SLX4IP: variants seen among roughly 807,000 people sequenced by gnomAD.
SLX4IP encodes the protein SLX4 interacting protein.
SLX4IP carries 34 observed loss-of-function variants against 32.9 expected under a neutral mutation model. The ratio of observed to expected loss-of-function variants is 1.03; its 90% CI spans 0.79 to 1.38. The LOEUF (loss-of-function observed/expected upper bound fraction) is 1.38. SLX4IP is among the 40% of genes most tolerant of loss of function. The pLI is 0.00. For missense variants in SLX4IP, 444 were observed against 479.0 expected (o/e 0.93, Z 0.68); for synonymous variants, 172 against 171.7 (o/e 1.00, Z -0.01).
At chr20:10,455,082 A>G (rs544911635) in intron 1 of SLX4IP, among the ~76,000 whole-genome samples, 1 of 152,068 alleles carries the variant, frequency 6.6e-6, no homozygotes, top group Non-Finnish European at 1.5e-5. Flanking sequence ...GCTTATTTTT[A>G]AATTATTTGT....
chr20:10,623,111 C>A lies in SLX4IP; in HGVS notation c.959C>A (p.Pro320Gln), dbSNP rs761985617. The A allele has an allele frequency of 2.2e-5, 35 of 1,613,966 alleles. No individual in the cohort carries two copies. The highest frequency in any genetic ancestry group is 2.8e-5 in the Non-Finnish European group (33 of 1,180,038). The part of the protein sequence containing the change: ...RVSLGSDRLV[P>Q]REIIVEKSKA... ...TCTCTTGGAAGTGATCGATTAGTCC[C>A]GAGAGAAATAATAGTGGAAAAAAGC... The change falls in exon 8 of 8, where the codon CCG (proline) becomes CAG (glutamine). Residue 320 changes from proline (P) to glutamine (Q), a missense_variant. Physicochemically the swap from Pro to Gln is moderately conservative, Grantham distance 76 (BLOSUM62 -1). Transcript: ENST00000334534.
rs2067031363 is a variant in SLX4IP, at chr20:10,616,395, T to TG, written c.406-4919_406-4918insG. On this transcript the variant is annotated intron_variant, in intron 6 of 7. Transcript: ENST00000334534. ...TCAAGTCCCAAAAAAAAAAATGAAA[T>TG]AAATAAATAAATAAATAAATAAATA... is the stretch of plus-strand genomic sequence containing the variant. Among the ~76,000 whole-genome samples the TG allele has an allele frequency of 1.9e-4, 10 of 52,966 alleles. 1 individual carries two copies. The highest frequency in any genetic ancestry group is 8.9e-4 in the Admixed American group (5 of 5,640). 34.7% of individuals were successfully genotyped at this position (52,966 alleles called of 152,430 possible). A position where few individuals can be genotyped will look rare whatever the true frequency, so the allele number is the denominator to read the frequency against.
intron 2 of SLX4IP, among the ~76,000 whole-genome samples, chr20:10,510,606 A>T (rs979372981): frequency 3.2e-4 from 40 of 126,486 alleles, no homozygotes; most frequent in African/African-American, 8.2e-4. Flanking sequence ...TATTATTTTT[A>T]TTATTTTTTT....
intron 1 of SLX4IP, among the ~76,000 whole-genome samples, chr20:10,445,310 T>G (rs1467861400): frequency 7.4e-6 from 1 of 135,434 alleles, no homozygotes; most frequent in Non-Finnish European, 1.6e-5. Flanking sequence ...CTTTTTTCTT[T>G]CTTTTTTTTT....
intron 4 of SLX4IP, among the ~76,000 whole-genome samples, chr20:10,577,752 A>G (rs1381190233): frequency 6.6e-6 from 1 of 152,238 alleles, no homozygotes; most frequent in African/African-American, 2.4e-5. Flanking sequence ...ATGAATGACA[A>G]CAATGAAGCT....
chr20:10,437,088 C>G (rs1001684698), intron 1 of SLX4IP, among the ~76,000 whole-genome samples: 13 of 152,082 alleles, frequency 8.5e-5, no homozygotes, highest in African/African-American at 3.1e-4. Flanking sequence ...CTTTTTGTGG[C>G]ACCTTGCTTT....
chr20:10,454,275 A>G (rs2065266879), intron 1 of SLX4IP, among the ~76,000 whole-genome samples: 1 of 152,228 alleles, frequency 6.6e-6, no homozygotes, highest in Admixed American at 6.5e-5. Context: ...CCATCTGTTT[A>G]GGCTGTTCCC....
chr20:10,623,172 A>G lies in SLX4IP; in HGVS notation c.1020A>G (p.Ser340=). 6.2e-7 allele frequency: 1 copy of G among 1,614,256 alleles called. No individual in the cohort carries two copies. Among genetic ancestry groups the G allele is most frequent in the Non-Finnish European group, 8.5e-7 (1 of 1,180,050 alleles). The change falls in exon 8 of 8, where the codon TCA becomes TCG. Residue 340 remains serine (S), a synonymous_variant. Transcript: ENST00000334534. Reference sequence around the variant, plus strand: ...GGGTTTTGCCAGCTTCAGAGTTGTCAGATCCAGGGTTACTTTTGAAACAAG... The same window carrying G: ...GGGTTTTGCCAGCTTCAGAGTTGTCGGATCCAGGGTTACTTTTGAAACAAG... ...AVRVLPASEL[S]DPGLLLKQDL...
intron 2 of SLX4IP, among the ~76,000 whole-genome samples, chr20:10,482,258 A>C (rs1464360273): frequency 6.6e-6 from 1 of 151,902 alleles, no homozygotes; most frequent in Non-Finnish European, 1.5e-5. Context: ...GGTTTCTCAT[A>C]TTATGTTTCC....
At chr20:10,487,812 G>T (rs1304426705) in intron 2 of SLX4IP, among the ~76,000 whole-genome samples, 1 of 152,200 alleles carries the variant, frequency 6.6e-6, no homozygotes, top group African/African-American at 2.4e-5. Context: ...AGGTATTTTA[G>T]ACATGAGGGC....
At chr20:10,445,711 G>A (rs1399830860) in intron 1 of SLX4IP, among the ~76,000 whole-genome samples, 8 of 148,446 alleles carry the variant, frequency 5.4e-5, no homozygotes, top group South Asian at 4.3e-4. Context: ...TGCAACCTCC[G>A]CCTCCTGAGT....
intron 2 of SLX4IP, among the ~76,000 whole-genome samples, chr20:10,465,322 T>C (rs1420210567): frequency 6.6e-6 from 1 of 152,142 alleles, no homozygotes; most frequent in Non-Finnish European, 1.5e-5. Context: ...TTGTAAATAA[T>C]GTTTTACCGG....
At chr20:10,462,685 G>A (rs2065347787) in intron 2 of SLX4IP, among the ~76,000 whole-genome samples, 1 of 152,164 alleles carries the variant, frequency 6.6e-6, no homozygotes, top group Non-Finnish European at 1.5e-5. Context: ...GGAATAAACA[G>A]AGAAAGAATC....
At position 10,623,662 on chromosome 20, in the gene SLX4IP, CTG is replaced by C. The variant is rs1246069496; in HGVS notation, c.*286_*287del. Reference sequence around the variant, plus strand: ...GCCATCCACCTTGTCAGGGAGGAGACTGTGCAAGGACTGCATGAAGAAACTGA... The same window carrying C: ...GCCATCCACCTTGTCAGGGAGGAGACTGCAAGGACTGCATGAAGAAACTGA... On this transcript the variant is annotated 3_prime_UTR_variant, in exon 8 of 8. Coordinates refer to ENST00000334534, the MANE Select transcript of SLX4IP (RefSeq NM_001009608.3). 16 of 449,100 alleles carry C rather than the reference CTG, an allele frequency of 3.6e-5. No individual in the cohort carries two copies. Among genetic ancestry groups the C allele is most frequent in the African/African-American group, 2.8e-4 (14 of 50,836 alleles). The allele number at this position is 449,100 out of a possible 1,614,324, so 27.8% of individuals were successfully genotyped here. A position where few individuals can be genotyped will look rare whatever the true frequency, so the allele number is the denominator to read the frequency against.
chr20:10,489,475 G>A (rs2065601917), intron 2 of SLX4IP, among the ~76,000 whole-genome samples: 1 of 151,432 alleles, frequency 6.6e-6, no homozygotes, highest in Admixed American at 6.6e-5. Flanking sequence ...TTTTTTAATG[G>A]GCCTTAAACT....
intron 4 of SLX4IP, among the ~76,000 whole-genome samples, chr20:10,571,148 T>C (rs1404290101): frequency 6.6e-6 from 1 of 152,122 alleles, no homozygotes; most frequent in East Asian, 1.9e-4. Flanking sequence ...CACCCTTTTT[T>C]ATTGGGCAGC....
chr20:10,515,241 T>G (rs182485812), intron 2 of SLX4IP, among the ~76,000 whole-genome samples: 179 of 152,108 alleles, frequency 1.2e-3, no homozygotes, highest in African/African-American at 4.1e-3. Flanking sequence ...GCTGCCACCA[T>G]GCCCAGCTAA....
At chr20:10,440,790 A>G (rs567225535) in intron 1 of SLX4IP, among the ~76,000 whole-genome samples, 3 of 152,330 alleles carry the variant, frequency 2.0e-5, no homozygotes, top group East Asian at 1.9e-4. Context: ...GTGACTGGAA[A>G]ACATTAGTTA....
chr20:10,620,451 G>A (rs1176425789), intron 6 of SLX4IP, among the ~76,000 whole-genome samples: 5 of 152,100 alleles, frequency 3.3e-5, no homozygotes, highest in Admixed American at 6.5e-5. Context: ...TTAGTATAAG[G>A]AAAAAAGTCC....
Sources: allele counts gnomAD v4.1 joint callset (sites outside exome capture counted in the v4.1 genomes callset), GRCh38; gene constraint gnomAD v4.1.1; transcripts MANE v1.5; gene names NCBI Gene and HGNC (gene_info 2026-07-23, HGNC 2026-07-21).